Variants in SMAP1 observed in about 807,000 individuals in gnomAD.
SMAP1 encodes the protein stromal membrane-associated protein 1.
A neutral mutation model predicts 58.5 loss-of-function variants in SMAP1; 24 were observed. The observed-to-expected ratio is 0.41, with a 90% CI of 0.30 to 0.58. SMAP1 has a LOEUF of 0.58. Ranked by LOEUF, SMAP1 falls within the 20% of genes least tolerant of loss-of-function variation. The pLI is 0.29. For missense variants in SMAP1, 563 were observed against 566.3 expected (o/e 0.99, Z 0.06); for synonymous variants, 216 against 196.6 (o/e 1.10, Z -0.82).
At chr6:70,837,842 C>T (rs1381617770) in intron 7 of SMAP1, 5 of 1,271,064 alleles carry the variant, frequency 3.9e-6, no homozygotes, top group Non-Finnish European at 5.1e-6. Context: ...AAGAGTTGAC[C>T]TTCATGTACT....
chr6:70,821,703 G>A (rs1017809513), intron 6 of SMAP1, among the ~76,000 whole-genome samples: 47 of 152,260 alleles, frequency 3.1e-4, no homozygotes, highest in African/African-American at 1.1e-3. Flanking sequence ...GAAAGCAATA[G>A]CAAGATGATA....
At position 70,858,066 on chromosome 6, in the gene SMAP1, G is replaced by A. The variant is rs568782012; in HGVS notation, c.1106G>A (p.Gly369Asp). 1.2e-6 allele frequency: 2 copies of A among 1,614,052 alleles called. No individual in the cohort carries two copies. Among genetic ancestry groups the A allele is most frequent in the African/African-American group, 2.7e-5 (2 of 75,024 alleles). The change falls in exon 10 of 11, where the codon GGC becomes GAC. Residue 369 changes from glycine (G) to aspartate (D), a missense_variant. By Grantham distance (94) the Gly-to-Asp change is moderately conservative. Coordinates refer to ENST00000370455, the MANE Select transcript of SMAP1 (RefSeq NM_001044305.3). The part of the protein sequence containing the change: ...VMGQSPSMMV[G>D]MPMPNGFMGN... ...GGACAGAGTCCAAGCATGATGGTGG[G>A]CATGCCCATGCCCAATGGGTTTATG... is the stretch of plus-strand genomic sequence containing the variant.
At chr6:70,829,247 GT>G (rs542604909) in intron 6 of SMAP1, among the ~76,000 whole-genome samples, 217 of 149,916 alleles carry the variant, frequency 1.4e-3, no homozygotes, top group Middle Eastern at 3.4e-3. Context: ...TTTTTTTTCT[GT>G]TTTTTTCTTT....
rs1284098635 is a variant in SMAP1 at position 70,748,681 on chromosome 6, C to T, written c.253-6299C>T. Among the ~76,000 whole-genome samples, 5 of 151,974 alleles carry T rather than the reference C, an allele frequency of 3.3e-5. No individual in the cohort carries two copies. The East Asian group carries it at 9.7e-4, about 29-fold the overall frequency. ...GATAGTATTTTACTTAGAAACAATGCAGGATTACTATAGCCCCTTCTAATT... is the reference window on the plus strand; with the variant it reads ...GATAGTATTTTACTTAGAAACAATGTAGGATTACTATAGCCCCTTCTAATT... On this transcript the variant is annotated intron_variant, in intron 2 of 10. Coordinates refer to ENST00000370455, the MANE Select transcript of SMAP1 (RefSeq NM_001044305.3).
intron 6 of SMAP1, among the ~76,000 whole-genome samples, chr6:70,805,155 G>T (rs531913423): frequency 6.6e-6 from 1 of 152,108 alleles, no homozygotes; most frequent in Admixed American, 6.5e-5. Flanking sequence ...CGTAGATTTG[G>T]TCTTTTCATA....
At chr6:70,671,605 A>G (rs1766269384) in intron 1 of SMAP1, among the ~76,000 whole-genome samples, 1 of 152,322 alleles carries the variant, frequency 6.6e-6, no homozygotes, top group Non-Finnish European at 1.5e-5. Context: ...AAAACAAAAC[A>G]TATAGATAAA....
intron 6 of SMAP1, among the ~76,000 whole-genome samples, 199 bp downstream of exon 6, chr6:70,798,936 G>A (rs1270894735): frequency 2.0e-5 from 3 of 151,996 alleles, no homozygotes; most frequent in Non-Finnish European, 4.4e-5. Flanking sequence ...ATATGTGTGG[G>A]TATAAACCCT....
intron 7 of SMAP1, among the ~76,000 whole-genome samples, chr6:70,845,842 C>T (rs1001985788): frequency 3.3e-5 from 5 of 152,260 alleles, no homozygotes; most frequent in South Asian, 2.1e-4. Context: ...GACAGAGGGG[C>T]GCTGGAGACA....
intron 2 of SMAP1, among the ~76,000 whole-genome samples, chr6:70,744,587 G>A (rs1425685724): frequency 6.6e-6 from 1 of 152,210 alleles, no homozygotes; most frequent in Non-Finnish European, 1.5e-5. Context: ...GGACATTTGG[G>A]TTGGTTCCAA....
intron 1 of SMAP1, among the ~76,000 whole-genome samples, chr6:70,670,760 A>G (rs192332902): frequency 1.3e-5 from 2 of 152,322 alleles, no homozygotes; most frequent in African/African-American, 4.8e-5. Flanking sequence ...ATCTTTGAGA[A>G]TATGTACCAA....
At chr6:70,773,862 C>T (rs909168645) in intron 4 of SMAP1, among the ~76,000 whole-genome samples, 5 of 152,134 alleles carry the variant, frequency 3.3e-5, no homozygotes, top group Non-Finnish European at 7.4e-5. Context: ...TTGTTATTAG[C>T]AAGCATTTTG....
At chr6:70,767,441 T>C (rs1562144964) in intron 3 of SMAP1, among the ~76,000 whole-genome samples, 1 of 152,174 alleles carries the variant, frequency 6.6e-6, no homozygotes, top group Non-Finnish European at 1.5e-5. Context: ...GGTTTGTAGT[T>C]CTCCACTTGA....
intron 9 of SMAP1, 71 bp downstream of exon 9, chr6:70,857,101 C>A: frequency 1.5e-6 from 2 of 1,362,502 alleles, no homozygotes; most frequent in South Asian, 1.7e-5. Flanking sequence ...ATAATAAGAT[C>A]AATTATATAT....
intron 1 of SMAP1, among the ~76,000 whole-genome samples, chr6:70,669,750 T>A (rs752511655): frequency 3.3e-5 from 5 of 152,224 alleles, no homozygotes; most frequent in Admixed American, 2.0e-4. Context: ...TAAGTAGAGA[T>A]GCTGGTAAAT....
At chr6:70,722,411 T>G (rs1582061623) in intron 1 of SMAP1, among the ~76,000 whole-genome samples, 1 of 152,160 alleles carries the variant, frequency 6.6e-6, no homozygotes, top group Non-Finnish European at 1.5e-5. Flanking sequence ...CTTTAATCCT[T>G]TCTTTCTTGT....
At chr6:70,843,543 C>T (rs576528433) in intron 7 of SMAP1, among the ~76,000 whole-genome samples, 8 of 152,172 alleles carry the variant, frequency 5.3e-5, no homozygotes, top group African/African-American at 1.9e-4. Context: ...GATTACAAAA[C>T]TGGGATTTAG....
chr6:70,827,361 T>C (rs1234996884), intron 6 of SMAP1, among the ~76,000 whole-genome samples: 1 of 152,230 alleles, frequency 6.6e-6, no homozygotes, highest in East Asian at 1.9e-4. Flanking sequence ...TACCCAAACT[T>C]AACTGTCCTG....
At chr6:70,818,328 C>A (rs4605842) in intron 6 of SMAP1, among the ~76,000 whole-genome samples, 4,971 of 151,896 alleles carry the variant, frequency 0.033, 301 homozygotes, top group African/African-American at 0.11. Flanking sequence ...ATCACATGAA[C>A]CCAGGAGGCA....
chr6:70,738,471 A>C (rs1765699183), intron 2 of SMAP1, among the ~76,000 whole-genome samples: 1 of 151,434 alleles, frequency 6.6e-6, no homozygotes, highest in African/African-American at 2.4e-5. Context: ...AAAAAAAAAA[A>C]ACCAGTGGAT....
Sources: gnomAD v4.1 joint callset for allele counts (sites outside exome capture counted in the v4.1 genomes callset) on GRCh38, gnomAD v4.1.1 for gene constraint, MANE v1.5 for transcripts, NCBI Gene and HGNC (gene_info 2026-07-23, HGNC 2026-07-21) for gene names.